RNF125: variants seen among roughly 807,000 people sequenced by gnomAD.
RNF125 encodes the protein ring finger protein 125.
Under a neutral mutation model 26.0 loss-of-function variants are expected in RNF125, and 21 were observed. The ratio of observed to expected loss-of-function variants is 0.81; its 90% CI spans 0.57 to 1.16. RNF125 has a LOEUF of 1.16. Ranked by LOEUF, RNF125 falls within the 50% of genes most tolerant of loss-of-function variation. The pLI is 0.00. For synonymous variants in RNF125, 95 were observed against 109.2 expected (o/e 0.87, Z 0.81); for missense variants, 270 against 299.4 (o/e 0.90, Z 0.72).
chr18:32,068,525 G>A lies in RNF125; in HGVS notation c.*141G>A, dbSNP rs1483265994. 1 of 541,300 alleles carries A rather than the reference G, an allele frequency of 1.8e-6. No homozygotes were observed. The highest frequency in any genetic ancestry group is 1.9e-5 in the African/African-American group (1 of 51,988). The allele number at this position is 541,300 out of a possible 1,614,324, so 33.5% of individuals were successfully genotyped here. ...GTGTTTGTCCATGTTTATTGTTATA[G>A]TGCATTTAAAAACTGCTTTAATTTT... On this transcript the variant is annotated 3_prime_UTR_variant, in exon 6 of 6. Coordinates refer to ENST00000217740, the MANE Select transcript of RNF125 (RefSeq NM_017831.4).
intron 4 of RNF125, among the ~76,000 whole-genome samples, chr18:32,050,865 C>CTTTTTTTTTTTTTTTTTTTTTTTTT (rs531751585): frequency 2.2e-5 from 1 of 46,328 alleles, no homozygotes; most frequent in Non-Finnish European, 3.9e-5. Context: ...GTCTAGAGTG[C>CTTTTTTTTTTTTTTTTTTTTTTTTT]TTTTTTTTTT....
In RNF125 at chr18:32,018,873, G is replaced by A. The variant is rs1361234287; in HGVS notation, c.10G>A (p.Val4Met). MGSVLSTDSGKSAP... is the reference protein window; with the variant it reads MGSMLSTDSGKSAP... The stretch of plus-strand genomic sequence containing the variant: ...GGCGAGAGGCACAGCGATGGGCTCC[G>A]TGCTGAGCACCGACAGCGGCAAATC... Residue 4 changes from valine (V) to methionine (M), a missense_variant, in exon 1 of 6, where the codon GTG (valine) becomes ATG (methionine). Transcript: ENST00000217740. 6.3e-7 allele frequency: 1 copy of A among 1,585,132 alleles called. No individual in the cohort carries two copies. The highest frequency in any genetic ancestry group is 2.3e-5 in the East Asian group (1 of 43,358).
chr18:32,057,470 G>T (rs1307561326), intron 4 of RNF125, among the ~76,000 whole-genome samples: 3 of 151,808 alleles, frequency 2.0e-5, no homozygotes, highest in African/African-American at 7.3e-5. Flanking sequence ...GAGTAGCTGG[G>T]ATTATAGGGG....
At chr18:32,026,368 C>T (rs1470174585) in intron 1 of RNF125, among the ~76,000 whole-genome samples, 1 of 151,290 alleles carries the variant, frequency 6.6e-6, no homozygotes, top group Non-Finnish European at 1.5e-5. Flanking sequence ...CCTGTCTCAG[C>T]ATCCCGAGTA....
intron 4 of RNF125, among the ~76,000 whole-genome samples, chr18:32,052,133 G>A (rs2039335158): frequency 6.6e-6 from 1 of 152,102 alleles, no homozygotes; most frequent in Non-Finnish European, 1.5e-5. Context: ...TAGAATATCT[G>A]TGACTTGATG....
intron 1 of RNF125, among the ~76,000 whole-genome samples, chr18:32,036,021 G>T (rs1318084716): frequency 6.6e-6 from 1 of 152,058 alleles, no homozygotes; most frequent in Non-Finnish European, 1.5e-5. Flanking sequence ...AGGCGTGGTG[G>T]TGGGTGCCAG....
intron 2 of RNF125, among the ~76,000 whole-genome samples, chr18:32,038,091 C>T (rs2039179151): frequency 6.7e-6 from 1 of 149,266 alleles, no homozygotes; most frequent in Non-Finnish European, 1.5e-5. Context: ...CTCTGTCGCC[C>T]AGGCTGCAGT....
At chr18:32,020,152 A>G (rs923032186) in intron 1 of RNF125, among the ~76,000 whole-genome samples, 9 of 151,800 alleles carry the variant, frequency 5.9e-5, no homozygotes, top group African/African-American at 1.9e-4. Context: ...GGCTCAAGTG[A>G]GTCTCCTGCC....
At chr18:32,076,826 C>T (rs1199055149), downstream of RNF125, among the ~76,000 whole-genome samples, 4 of 152,080 alleles carry the variant, frequency 2.6e-5, no homozygotes, top group South Asian at 2.1e-4. Flanking sequence ...AAAAGCTCTT[C>T]GCTGGGAGTT....
chr18:32,026,179 C>T (rs1413766313), intron 1 of RNF125, among the ~76,000 whole-genome samples: 1 of 150,518 alleles, frequency 6.6e-6, no homozygotes, highest in Non-Finnish European at 1.5e-5. Flanking sequence ...ATTCTCGTGC[C>T]TCAGCCTAAA....
chr18:32,048,842 G>C (rs1337971212), intron 4 of RNF125, among the ~76,000 whole-genome samples: 10 of 152,170 alleles, frequency 6.6e-5, no homozygotes, highest in Non-Finnish European at 1.3e-4. Flanking sequence ...TTTCACAATA[G>C]GTCCCTGGGG....
At chr18:32,077,792 AT>A (rs1343266393), downstream of RNF125, among the ~76,000 whole-genome samples, 2,561 of 142,118 alleles carry the variant, frequency 0.018, 58 homozygotes, top group African/African-American at 0.055. Flanking sequence ...ACCTCTAATA[AT>A]TTTTTTTTTT....
In RNF125 at chr18:32,037,282, C is replaced by T. The variant is rs193229214; in HGVS notation, c.318+13C>T. Reference sequence around the variant, plus strand: ...GTGTGACACCCTGGTATGTATGTGACCCCACCTATTTTCATGGTTACCAGC... The same window carrying T: ...GTGTGACACCCTGGTATGTATGTGATCCCACCTATTTTCATGGTTACCAGC... On this transcript the variant is annotated intron_variant, in intron 2 of 5. Coordinates refer to ENST00000217740, the MANE Select transcript of RNF125 (RefSeq NM_017831.4). 6 of 1,527,052 alleles carry T rather than the reference C, an allele frequency of 3.9e-6. No individual in the cohort carries two copies. Among genetic ancestry groups the T allele is most frequent in the Middle Eastern group, 1.7e-4 (1 of 5,828 alleles). The allele number at this position is 1,527,052 out of a possible 1,614,324, so 94.6% of individuals were successfully genotyped here. A position where few individuals can be genotyped will look rare whatever the true frequency, so the allele number is the denominator to read the frequency against.
chr18:32,090,467 C>G, the RNF125 span, among the ~76,000 whole-genome samples: 5 of 152,054 alleles, frequency 3.3e-5, no homozygotes, highest in African/African-American at 1.2e-4. Flanking sequence ...AACAAAAATA[C>G]AAAATATAGT....
intron 4 of RNF125, among the ~76,000 whole-genome samples, chr18:32,056,897 C>T: frequency 6.6e-6 from 1 of 152,194 alleles, no homozygotes; most frequent in East Asian, 1.9e-4. Flanking sequence ...AATAGACATA[C>T]AGCAGCATTT....
the RNF125 span, among the ~76,000 whole-genome samples, chr18:32,078,711 T>C: frequency 6.6e-6 from 1 of 152,200 alleles, no homozygotes; most frequent in Admixed American, 6.5e-5. Context: ...GAAATGTGTA[T>C]CTTTAAATTA....
At chr18:32,067,699 GT>G (rs932373019) in intron 5 of RNF125, among the ~76,000 whole-genome samples, 32 of 152,170 alleles carry the variant, frequency 2.1e-4, no homozygotes, top group African/African-American at 7.5e-4. Flanking sequence ...TTTTGTGGGG[GT>G]TTTTTTGTTT....
downstream of RNF125, chr18:32,076,182 A>G: frequency 1.9e-6 from 1 of 526,676 alleles, no homozygotes; most frequent in South Asian, 1.8e-5. Flanking sequence ...ATGACTTTGG[A>G]GCATGGCCCA....
the RNF125 span, among the ~76,000 whole-genome samples, chr18:32,083,573 C>T: frequency 6.6e-6 from 1 of 152,132 alleles, no homozygotes; most frequent in Non-Finnish European, 1.5e-5. Context: ...TTTCCTCTGT[C>T]CTGGCGAGGA....
Sources: allele counts gnomAD v4.1 joint callset (sites outside exome capture counted in the v4.1 genomes callset), GRCh38; gene constraint gnomAD v4.1.1; transcripts MANE v1.5; gene names NCBI Gene and HGNC (gene_info 2026-07-23, HGNC 2026-07-21).